SGCD: variants seen among roughly 807,000 people sequenced by gnomAD.
SGCD encodes the protein delta-sarcoglycan.
A neutral mutation model predicts 36.6 loss-of-function variants in SGCD; 18 were observed. That is an observed-to-expected ratio of 0.49 (90% CI 0.34 to 0.73). The LOEUF (loss-of-function observed/expected upper bound fraction) is 0.73. SGCD is among the 30% of genes least tolerant of loss of function. The probability of loss-of-function intolerance (pLI) is 0.01; values close to 1 mark genes in which losing one functional copy is unlikely to be tolerated. For missense variants in SGCD, 387 were observed against 346.7 expected (o/e 1.12, Z -0.92); for synonymous variants, 133 against 130.6 (o/e 1.02, Z -0.12).
chr5:156,236,423 T>A (rs145192810), intron 3 of SGCD, among the ~76,000 whole-genome samples: 12 of 152,190 alleles, frequency 7.9e-5, no homozygotes, highest in African/African-American at 2.9e-4. Flanking sequence ...TACAACTGAA[T>A]TACAGGTGGA....
At chr5:155,923,271 T>C (rs1161144121) in intron 1 of SGCD, among the ~76,000 whole-genome samples, 1 of 152,202 alleles carries the variant, frequency 6.6e-6, no homozygotes, top group African/African-American at 2.4e-5. Flanking sequence ...CAAAAAGACA[T>C]ATATTGGGGG....
chr5:155,741,694 T>TC, the SGCD span, among the ~76,000 whole-genome samples: 1 of 150,748 alleles, frequency 6.6e-6, no homozygotes, highest in African/African-American at 2.4e-5. Flanking sequence ...TTTCTTTTTT[T>TC]TTTTTTTTTT....
At chr5:156,212,712 A>G (rs76277676) in intron 3 of SGCD, among the ~76,000 whole-genome samples, 1 of 152,136 alleles carries the variant, frequency 6.6e-6, no homozygotes, top group Non-Finnish European at 1.5e-5. Context: ...CTTCTCAAGT[A>G]TACGTGGAAC....
At chr5:156,172,231 TGAG>T (rs1414019910) in intron 3 of SGCD, among the ~76,000 whole-genome samples, 1 of 152,136 alleles carries the variant, frequency 6.6e-6, no homozygotes, top group Non-Finnish European at 1.5e-5. Context: ...TGCAGTGAGC[TGAG>T]ATTGAGCCAT....
At chr5:156,610,490 G>C (rs1761740695) in intron 6 of SGCD, among the ~76,000 whole-genome samples, 1 of 152,242 alleles carries the variant, frequency 6.6e-6, no homozygotes. Context: ...TCGGGGGTCA[G>C]GGACCCACTT....
chr5:156,695,126 G>T (rs1754256286), intron 7 of SGCD, among the ~76,000 whole-genome samples: 2 of 122,328 alleles, frequency 1.6e-5, no homozygotes, highest in East Asian at 4.8e-4. Flanking sequence ...GTGTGTGTGT[G>T]TGTGTGTGTG....
chr5:155,979,662 G>T (rs577530476), intron 1 of SGCD, among the ~76,000 whole-genome samples: 1 of 152,266 alleles, frequency 6.6e-6, no homozygotes, highest in Admixed American at 6.5e-5. Flanking sequence ...TTGAACTGCT[G>T]CTGGCCCAGT....
intron 4 of SGCD, among the ~76,000 whole-genome samples, chr5:156,551,023 C>T (rs1384841622): frequency 6.6e-6 from 1 of 152,114 alleles, no homozygotes; most frequent in East Asian, 1.9e-4. Flanking sequence ...TACATATACT[C>T]ATTCCTCATA....
At chr5:155,728,704 C>T in the SGCD span, among the ~76,000 whole-genome samples, 2 of 152,112 alleles carry the variant, frequency 1.3e-5, no homozygotes, top group South Asian at 4.1e-4. Context: ...ACGCTCGAGC[C>T]GGAGCGAGCG....
intron 1 of SGCD, among the ~76,000 whole-genome samples, chr5:155,981,239 C>T (rs914222276): frequency 3.9e-5 from 6 of 152,092 alleles, no homozygotes; most frequent in African/African-American, 2.4e-5. Flanking sequence ...ATCTCAGTGG[C>T]GACCTGGAGG....
intron 1 of SGCD, among the ~76,000 whole-genome samples, chr5:155,928,014 C>T (rs188170757): frequency 2.2e-4 from 33 of 152,274 alleles, no homozygotes; most frequent in Middle Eastern, 3.4e-3. Flanking sequence ...CATGGGAAAA[C>T]GTGTCAGGTC....
intron 6 of SGCD, among the ~76,000 whole-genome samples, chr5:156,614,282 G>T (rs1761944208): frequency 6.6e-6 from 1 of 152,146 alleles, no homozygotes; most frequent in African/African-American, 2.4e-5. Flanking sequence ...GCAGATTGAG[G>T]CACAGAGTGG....
intron 1 of SGCD, among the ~76,000 whole-genome samples, chr5:155,951,045 A>G (rs909443838): frequency 3.9e-5 from 6 of 152,160 alleles, no homozygotes; most frequent in Non-Finnish European, 7.4e-5. Flanking sequence ...AGTTGAGGAC[A>G]GTGAGAGGGT....
intron 3 of SGCD, among the ~76,000 whole-genome samples, chr5:156,283,055 AG>A (rs1390332759): frequency 1.3e-5 from 2 of 152,196 alleles, no homozygotes; most frequent in Admixed American, 1.3e-4. Context: ...AACACTTTTT[AG>A]TACGTCTAAT....
chr5:156,572,333 C>T (rs753796970), intron 4 of SGCD, among the ~76,000 whole-genome samples: 24 of 152,132 alleles, frequency 1.6e-4, no homozygotes, highest in Non-Finnish European at 2.8e-4. Flanking sequence ...AGCTGTTTTT[C>T]ATAGCAGTCG....
intron 3 of SGCD, among the ~76,000 whole-genome samples, chr5:156,392,578 C>T (rs1425151811): frequency 6.6e-6 from 1 of 152,200 alleles, no homozygotes; most frequent in East Asian, 1.9e-4. Context: ...CTTGTGTTAG[C>T]TCAATTAGAC....
the SGCD span, among the ~76,000 whole-genome samples, chr5:155,847,672 A>T: frequency 6.6e-6 from 1 of 152,178 alleles, no homozygotes; most frequent in Non-Finnish European, 1.5e-5. Context: ...GCTATTCTAC[A>T]GAGAGGAAGC....
At chr5:156,297,073 A>T (rs948640698) in intron 3 of SGCD, among the ~76,000 whole-genome samples, 2 of 151,936 alleles carry the variant, frequency 1.3e-5, no homozygotes, top group Admixed American at 1.3e-4. Context: ...TTTGATACAG[A>T]CATACAATGC....
chr5:156,374,891 T>C (rs1770576103), intron 3 of SGCD, among the ~76,000 whole-genome samples: 1 of 152,120 alleles, frequency 6.6e-6, no homozygotes, highest in Non-Finnish European at 1.5e-5. Flanking sequence ...GCTCTGAGAA[T>C]AGCAATTTTA....
Sources: allele counts gnomAD v4.1 joint callset (sites outside exome capture counted in the v4.1 genomes callset), GRCh38; gene constraint gnomAD v4.1.1; transcripts MANE v1.5; gene names NCBI Gene and HGNC (gene_info 2026-07-23, HGNC 2026-07-21).